The following TSHZ2 variants were observed in gnomAD, a reference collection of about 807,000 sequenced individuals.
The protein encoded by TSHZ2 is teashirt homolog 2.
TSHZ2 carries 21 observed loss-of-function variants against 74.4 expected under a neutral mutation model. That is an observed-to-expected ratio of 0.28 (90% CI 0.20 to 0.41). The LOEUF is 0.41. Among genes scored for constraint, TSHZ2 ranks in the 10% least tolerant of loss-of-function variants. The probability of loss-of-function intolerance (pLI) is 1.00; values close to 1 mark genes in which losing one functional copy is unlikely to be tolerated. For synonymous variants in TSHZ2, 540 were observed against 515.3 expected (o/e 1.05, Z -0.65); for missense variants, 1,244 against 1,293.5 (o/e 0.96, Z 0.59).
At chr20:53,361,584 C>T (rs755453128) in intron 2 of TSHZ2, among the ~76,000 whole-genome samples, 61 of 152,140 alleles carry the variant, frequency 4.0e-4, no homozygotes, top group Non-Finnish European at 7.2e-4. Flanking sequence ...GCCTTCCTTC[C>T]ACCCTTTCTT....
chr20:53,098,951 CTT>C (rs1257528168), intron 1 of TSHZ2, among the ~76,000 whole-genome samples: 1 of 152,232 alleles, frequency 6.6e-6, no homozygotes, highest in Non-Finnish European at 1.5e-5. Flanking sequence ...AATTCCCTCT[CTT>C]AGCATATTTT....
At chr20:53,269,809 AAAAG>A (rs1235938461) in intron 2 of TSHZ2, among the ~76,000 whole-genome samples, 5 of 145,498 alleles carry the variant, frequency 3.4e-5, no homozygotes, top group Middle Eastern at 3.6e-3. Flanking sequence ...AAAAAAAAAG[AAAAG>A]AAAATCCATG....
chr20:53,229,317 C>T (rs1434780512), intron 1 of TSHZ2, among the ~76,000 whole-genome samples: 1 of 152,120 alleles, frequency 6.6e-6, no homozygotes, highest in Non-Finnish European at 1.5e-5. Context: ...CCCTGGGTCA[C>T]TTAGTACAAC....
rs945813051 is a variant in TSHZ2 at position 53,224,929 on chromosome 20, A to G, written c.41-28570A>G. Among the ~76,000 whole-genome samples, 8 of 152,108 alleles carry G rather than the reference A, an allele frequency of 5.3e-5. No homozygotes were observed. The South Asian group carries it at 1.7e-3, about 32-fold the overall frequency. ...GTGTACCCTGTCCCACAAGAACTGGAGATGATTAATTATTCCTGTAATTGC... is the reference window on the plus strand; with the variant it reads ...GTGTACCCTGTCCCACAAGAACTGGGGATGATTAATTATTCCTGTAATTGC... On this transcript the variant is annotated intron_variant, in intron 1 of 2. Transcript: ENST00000371497.
intron 2 of TSHZ2, among the ~76,000 whole-genome samples, chr20:53,404,721 G>T (rs1982781943): frequency 6.6e-6 from 1 of 152,086 alleles, no homozygotes; most frequent in Admixed American, 6.5e-5. Context: ...TAGCGGAAAA[G>T]GATCAGATAA....
At chr20:53,361,471 G>T (rs577447255) in intron 2 of TSHZ2, among the ~76,000 whole-genome samples, 1 of 152,250 alleles carries the variant, frequency 6.6e-6, no homozygotes, top group Admixed American at 6.5e-5. Context: ...AAAATCAGAA[G>T]TACCTGCAAA....
rs576570418 is a variant in TSHZ2, at chr20:53,428,392, A to T, written c.*9-58752A>T. 2.0e-5 allele frequency among the ~76,000 whole-genome samples: 3 copies of T among 152,258 alleles called. No individual in the cohort carries two copies. In the South Asian group the frequency reaches 6.2e-4, roughly 32 times the overall value. On this transcript the variant is annotated intron_variant, in intron 2 of 2. Transcript: ENST00000371497. ...GAAAACATGGCACTAATTCTAAGTC[A>T]CTTTTCTGGCTCTGTCTCCATCCAG...
In TSHZ2 at chr20:53,329,316, C is replaced by A. The variant is rs118048051; in HGVS notation, c.*8+72745C>A. ...AGCTTTGGGAAGCACCTTCATTGTA[C>A]CCTGTTAATCACAAAATTAACTTAA... On this transcript the variant is annotated intron_variant, in intron 2 of 2. Coordinates refer to ENST00000371497, the MANE Select transcript of TSHZ2 (RefSeq NM_173485.6). 2.2e-4 allele frequency among the ~76,000 whole-genome samples: 33 copies of A among 152,214 alleles called. No homozygotes were observed. The East Asian group carries it at 6.4e-3, about 29-fold the overall frequency.
chr20:53,265,323 A>T (rs960782650), intron 2 of TSHZ2, among the ~76,000 whole-genome samples: 4 of 152,172 alleles, frequency 2.6e-5, no homozygotes, highest in African/African-American at 9.7e-5. Context: ...TTTCAATGCC[A>T]CAAAGGCTGA....
At chr20:53,291,415 G>C (rs1334605707) in intron 2 of TSHZ2, among the ~76,000 whole-genome samples, 1 of 149,572 alleles carries the variant, frequency 6.7e-6, no homozygotes, top group African/African-American at 2.5e-5. Context: ...GGAGGCTGCA[G>C]TGAGCTGAGA....
At chr20:53,224,831 C>G (rs908977489) in intron 1 of TSHZ2, among the ~76,000 whole-genome samples, 2 of 135,928 alleles carry the variant, frequency 1.5e-5, no homozygotes, top group Non-Finnish European at 3.1e-5. Flanking sequence ...GCCTGGGTGA[C>G]AGAGCAAGAC....
At chr20:53,150,829 T>G (rs1359311405) in intron 1 of TSHZ2, among the ~76,000 whole-genome samples, 1 of 152,138 alleles carries the variant, frequency 6.6e-6, no homozygotes, top group Non-Finnish European at 1.5e-5. Flanking sequence ...TCCTCACCAG[T>G]GGAGCTCTGA....
chr20:53,072,949 CCGTT>C (rs1356404421), intron 1 of TSHZ2, among the ~76,000 whole-genome samples: 1 of 138,880 alleles, frequency 7.2e-6, no homozygotes, highest in African/African-American at 2.5e-5. Context: ...ATCCATCCCT[CCGTT>C]CCTTCATCCA....
At chr20:53,486,867 AC>A (rs1427545698) in intron 2 of TSHZ2, among the ~76,000 whole-genome samples, 3 of 151,842 alleles carry the variant, frequency 2.0e-5, no homozygotes, top group Non-Finnish European at 4.4e-5. Context: ...GCCCCAGTAG[AC>A]CCTAGCGTCT....
intron 2 of TSHZ2, among the ~76,000 whole-genome samples, chr20:53,366,027 A>C (rs979466342): frequency 6.6e-6 from 1 of 152,330 alleles, no homozygotes; most frequent in African/African-American, 2.4e-5. Context: ...CTTTCCTCAA[A>C]GGCAGAGAGG....
intron 2 of TSHZ2, among the ~76,000 whole-genome samples, chr20:53,348,193 T>C (rs1239399258): frequency 1.3e-5 from 2 of 152,208 alleles, no homozygotes; most frequent in African/African-American, 4.8e-5. Flanking sequence ...CGAAAACTTT[T>C]ATATGAGTGT....
At chr20:53,106,390 T>TC (rs1986366438) in intron 1 of TSHZ2, among the ~76,000 whole-genome samples, 1 of 126,686 alleles carries the variant, frequency 7.9e-6, no homozygotes, top group Non-Finnish European at 1.6e-5. Flanking sequence ...TCTCACACTT[T>TC]CTTTTTTTTT....
At chr20:53,047,845 A>G (rs1568735197) in intron 1 of TSHZ2, among the ~76,000 whole-genome samples, 2 of 152,160 alleles carry the variant, frequency 1.3e-5, no homozygotes, top group Non-Finnish European at 2.9e-5. Flanking sequence ...TGGAGTGCAT[A>G]CCCCATGCAT....
intron 2 of TSHZ2, among the ~76,000 whole-genome samples, chr20:53,422,100 C>T (rs866206877): frequency 3.9e-5 from 6 of 152,090 alleles, no homozygotes; most frequent in Non-Finnish European, 7.4e-5. Flanking sequence ...CGTTGGGTTT[C>T]GTATTTTCTT....
Sources: allele counts gnomAD v4.1 joint callset (sites outside exome capture counted in the v4.1 genomes callset), GRCh38; gene constraint gnomAD v4.1.1; transcripts MANE v1.5; gene names NCBI Gene and HGNC (gene_info 2026-07-23, HGNC 2026-07-21).